FAM47E: variants seen among roughly 807,000 people sequenced by gnomAD.
FAM47E encodes protein FAM47E.
In FAM47E, 32 loss-of-function variants were observed where a neutral mutation model predicts 41.6. That is an observed-to-expected ratio of 0.77 (90% CI 0.58 to 1.03). FAM47E has a LOEUF of 1.03. Ranked by LOEUF, FAM47E falls within the 50% of genes least tolerant of loss-of-function variation. The pLI is 0.00. For synonymous variants in FAM47E, 184 were observed against 188.7 expected (o/e 0.98, Z 0.20); for missense variants, 424 against 485.4 (o/e 0.87, Z 1.19).
chr4:76,259,639 A>C (rs765412432), intron 2 of FAM47E, among the ~76,000 whole-genome samples: 37 of 152,254 alleles, frequency 2.4e-4, no homozygotes, highest in Non-Finnish European at 3.2e-4. Context: ...GTTTGGAATT[A>C]AGTGTAATCA....
intron 2 of FAM47E, among the ~76,000 whole-genome samples, chr4:76,228,324 CA>C (rs1195466639): frequency 6.6e-6 from 1 of 151,726 alleles, no homozygotes; most frequent in African/African-American, 2.4e-5. Flanking sequence ...TACTAAAATA[CA>C]AAAATTAGCT....
chr4:76,228,258 T>A (rs1363630226), intron 2 of FAM47E, among the ~76,000 whole-genome samples: 1 of 152,008 alleles, frequency 6.6e-6, no homozygotes, highest in Non-Finnish European at 1.5e-5. Flanking sequence ...GGGGTGCAGA[T>A]CATTTGAGAT....
chr4:76,277,308 C>A (rs1735161924), intron 5 of FAM47E, among the ~76,000 whole-genome samples: 1 of 151,932 alleles, frequency 6.6e-6, no homozygotes, highest in African/African-American at 2.4e-5. Context: ...CATGGTGAAA[C>A]CCCGTCTCTA....
intron 5 of FAM47E, among the ~76,000 whole-genome samples, chr4:76,275,957 A>T (rs903652955): frequency 6.6e-6 from 1 of 151,842 alleles, no homozygotes; most frequent in Non-Finnish European, 1.5e-5. Context: ...GGGGGATGCT[A>T]TTAGAATCTA....
At chr4:76,260,650 C>G (rs1734373863) in intron 2 of FAM47E, among the ~76,000 whole-genome samples, 1 of 152,096 alleles carries the variant, frequency 6.6e-6, no homozygotes, top group Admixed American at 6.6e-5. Context: ...CAGACATTGG[C>G]TGAGGCAAAG....
intron 2 of FAM47E, among the ~76,000 whole-genome samples, chr4:76,218,682 T>C (rs1227196471): frequency 6.6e-6 from 1 of 152,222 alleles, no homozygotes; most frequent in Non-Finnish European, 1.5e-5. Flanking sequence ...TAATGCAGAC[T>C]TATTGAAACA....
chr4:76,232,695 A>C (rs1733514246), intron 2 of FAM47E, among the ~76,000 whole-genome samples: 1 of 152,210 alleles, frequency 6.6e-6, no homozygotes, highest in Admixed American at 6.5e-5. Context: ...AGACATGTCA[A>C]ATCATCTCGT....
chr4:76,251,553 C>G (rs1419752546), upstream of FAM47E: 5 of 1,160,132 alleles, frequency 4.3e-6, no homozygotes, highest in East Asian at 1.3e-4. Flanking sequence ...GACCGGTACC[C>G]TCTCCCTTCC....
chr4:76,268,999 G>T, intron 4 of FAM47E: 1 of 504,860 alleles, frequency 2.0e-6, no homozygotes, highest in Non-Finnish European at 3.4e-6. Context: ...CAAACTTGCT[G>T]CTAATTTGAA....
intron 2 of FAM47E, among the ~76,000 whole-genome samples, chr4:76,229,325 T>C (rs1828138): frequency 0.16 from 23,675 of 152,208 alleles, 2,124 homozygotes; most frequent in East Asian, 0.35. Flanking sequence ...ATCAACCTTC[T>C]GAATTCTTCA....
chr4:76,214,568 T>C (rs536634073), intron 1 of FAM47E: 2 of 336,234 alleles, frequency 5.9e-6, no homozygotes, highest in Non-Finnish European at 1.2e-5. Context: ...GCTCTTGGTA[T>C]CCTGTTAAAG....
intron 5 of FAM47E, among the ~76,000 whole-genome samples, chr4:76,274,286 T>C (rs968978799): frequency 6.6e-6 from 1 of 152,206 alleles, no homozygotes; most frequent in African/African-American, 2.4e-5. Flanking sequence ...TTAAGATTTG[T>C]TGGGGTTGGG....
chr4:76,245,156 C>T (rs1254482980), intron 2 of FAM47E, among the ~76,000 whole-genome samples: 2 of 151,730 alleles, frequency 1.3e-5, no homozygotes, highest in African/African-American at 4.9e-5. Context: ...GTGAGAATTC[C>T]TCTGGATTCC....
At chr4:76,214,148 C>T in exon 1 of FAM47E, 2 of 446,278 alleles carry the variant, frequency 4.5e-6, no homozygotes, top group South Asian at 3.2e-5. Context: ...CCATGGGCCA[C>T]GCGCTGGGGA....
intron 2 of FAM47E, among the ~76,000 whole-genome samples, chr4:76,220,611 A>G (rs985950292): frequency 3.3e-5 from 5 of 152,222 alleles, no homozygotes; most frequent in Non-Finnish European, 7.3e-5. Flanking sequence ...TGACAGAGCT[A>G]GATCCTGTCT....
intron 6 of FAM47E, 98 bp from the exon 7 acceptor site, chr4:76,280,166 A>T: frequency 1.4e-6 from 1 of 709,802 alleles, no homozygotes; most frequent in Non-Finnish European, 2.4e-6. Flanking sequence ...GGTTAAAATG[A>T]GATACTTTAT....
intron 2 of FAM47E, among the ~76,000 whole-genome samples, chr4:76,257,554 C>T (rs141697216): frequency 2.6e-5 from 4 of 152,258 alleles, no homozygotes; most frequent in Non-Finnish European, 4.4e-5. Flanking sequence ...GTTCTGCTCC[C>T]TCTCCAACTT....
chr4:76,214,597 A>T (rs1733164484), intron 1 of FAM47E, among the ~76,000 whole-genome samples: 1 of 152,084 alleles, frequency 6.6e-6, no homozygotes, highest in Non-Finnish European at 1.5e-5. Context: ...GTTGGGAAGG[A>T]GCTTAAAGCA....
chr4:76,267,329 G>T (rs1317735404), intron 3 of FAM47E, among the ~76,000 whole-genome samples: 1 of 152,160 alleles, frequency 6.6e-6, no homozygotes, highest in Non-Finnish European at 1.5e-5. Flanking sequence ...GATATGAAGG[G>T]GATAAGGAAA....
Sources: gnomAD v4.1 joint callset for allele counts (sites outside exome capture counted in the v4.1 genomes callset) on GRCh38, gnomAD v4.1.1 for gene constraint, MANE v1.5 for transcripts, NCBI Gene and HGNC (gene_info 2026-07-23, HGNC 2026-07-21) for gene names.